The following DLG2 variants were observed in gnomAD, a reference collection of about 807,000 sequenced individuals.
The protein encoded by DLG2 is discs large MAGUK scaffold protein 2.
DLG2 carries 45 observed loss-of-function variants against 132.5 expected under a neutral mutation model. The observed-to-expected ratio is 0.34, with a 90% CI of 0.27 to 0.44. DLG2 has a LOEUF of 0.44. Among genes scored for constraint, DLG2 ranks in the 20% least tolerant of loss-of-function variants. The pLI is 1.00. For missense variants in DLG2, 1,045 were observed against 1,196.9 expected (o/e 0.87, Z 1.87); for synonymous variants, 424 against 419.6 (o/e 1.01, Z -0.13).
intron 19 of DLG2, among the ~76,000 whole-genome samples, chr11:83,552,404 ATACAGT>A (rs2096412519): frequency 6.6e-6 from 1 of 152,150 alleles, no homozygotes; most frequent in African/African-American, 2.4e-5. Context: ...AAGCCTGTAA[ATACAGT>A]TACAGTTGAG....
chr11:85,584,839 G>A (rs1407972345), intron 3 of DLG2, among the ~76,000 whole-genome samples: 2 of 152,034 alleles, frequency 1.3e-5, no homozygotes, highest in Non-Finnish European at 2.9e-5. Context: ...CCCACCTTTT[G>A]ATGGGATTAC....
At chr11:84,795,301 C>T (rs2074425605) in intron 6 of DLG2, among the ~76,000 whole-genome samples, 1 of 152,234 alleles carries the variant, frequency 6.6e-6, no homozygotes, top group South Asian at 2.1e-4. Flanking sequence ...TGAGTCTCTT[C>T]TCTGCTGGGA....
At chr11:84,463,282 G>C (rs11234038) in intron 7 of DLG2, among the ~76,000 whole-genome samples, 26,150 of 151,136 alleles carry the variant, frequency 0.17, 2,396 homozygotes, top group African/African-American at 0.22. Context: ...CCTCTGAGAA[G>C]CCAGCTGCTC....
At chr11:84,428,483 G>A (rs576453685) in intron 7 of DLG2, among the ~76,000 whole-genome samples, 6 of 152,212 alleles carry the variant, frequency 3.9e-5, no homozygotes, top group Non-Finnish European at 8.8e-5. Context: ...AGACTGGGAA[G>A]TATAAGATCA....
intron 10 of DLG2, among the ~76,000 whole-genome samples, chr11:84,095,682 T>G (rs1322703652): frequency 6.6e-6 from 1 of 152,200 alleles, no homozygotes; most frequent in Non-Finnish European, 1.5e-5. Context: ...TGCCTCAGGA[T>G]AAGTCACTCC....
At chr11:84,745,470 G>A (rs77297935) in intron 6 of DLG2, among the ~76,000 whole-genome samples, 2,212 of 152,242 alleles carry the variant, frequency 0.015, 71 homozygotes, top group African/African-American at 0.05. Context: ...CCAGAAGCCA[G>A]GCAGATGCTG....
At chr11:85,448,417 AT>A (rs1162146964) in intron 3 of DLG2, among the ~76,000 whole-genome samples, 1 of 152,184 alleles carries the variant, frequency 6.6e-6, no homozygotes, top group Non-Finnish European at 1.5e-5. Flanking sequence ...GACACCAAAA[AT>A]CTGCCCTGAC....
chr11:84,140,035 A>G (rs2094774199), intron 9 of DLG2, among the ~76,000 whole-genome samples: 1 of 152,186 alleles, frequency 6.6e-6, no homozygotes, highest in African/African-American at 2.4e-5. Flanking sequence ...TGAGAAATCA[A>G]TGACCATATT....
intron 6 of DLG2, among the ~76,000 whole-genome samples, chr11:84,674,643 T>C (rs2099709398): frequency 6.6e-6 from 1 of 152,154 alleles, no homozygotes; most frequent in Admixed American, 6.5e-5. Context: ...TAGTTGAGTA[T>C]ACAAGATTAT....
At chr11:84,181,038 A>ATTTT (rs1301065253) in intron 8 of DLG2, among the ~76,000 whole-genome samples, 5 of 151,924 alleles carry the variant, frequency 3.3e-5, no homozygotes, top group Non-Finnish European at 4.4e-5. Context: ...TATTTTTCTT[A>ATTTT]ATCTAACAGA....
chr11:84,502,948 G>A (rs776696239), intron 7 of DLG2, among the ~76,000 whole-genome samples: 4 of 152,194 alleles, frequency 2.6e-5, no homozygotes, highest in Non-Finnish European at 5.9e-5. Flanking sequence ...TCAGGGATAA[G>A]TGCCTAATTA....
intron 6 of DLG2, among the ~76,000 whole-genome samples, chr11:84,550,533 G>A (rs2099399859): frequency 6.6e-6 from 1 of 152,174 alleles, no homozygotes; most frequent in South Asian, 2.1e-4. Context: ...TTGGACTTCA[G>A]AACCTACCTG....
chr11:84,189,639 C>A (rs1486826490), intron 8 of DLG2, among the ~76,000 whole-genome samples: 1 of 151,950 alleles, frequency 6.6e-6, no homozygotes, highest in Non-Finnish European at 1.5e-5. Flanking sequence ...TACTATGGAG[C>A]CATAAAAAGG....
intron 6 of DLG2, among the ~76,000 whole-genome samples, chr11:85,023,391 T>C (rs535120355): frequency 6.6e-6 from 1 of 152,148 alleles, no homozygotes; most frequent in African/African-American, 2.4e-5. Flanking sequence ...TAACAGTTAT[T>C]ACCAACTTAA....
At chr11:83,829,138 A>G (rs993528069) in intron 17 of DLG2, among the ~76,000 whole-genome samples, 3 of 151,498 alleles carry the variant, frequency 2.0e-5, no homozygotes, top group African/African-American at 7.3e-5. Flanking sequence ...TATTGTTAAC[A>G]TGACTTATTT....
At chr11:83,851,452 T>C (rs552909933) in intron 16 of DLG2, among the ~76,000 whole-genome samples, 2 of 148,328 alleles carry the variant, frequency 1.3e-5, no homozygotes, top group East Asian at 4.1e-4. Flanking sequence ...TGGTGAAACC[T>C]CTTCTCTACT....
intron 7 of DLG2, among the ~76,000 whole-genome samples, chr11:84,387,455 C>T (rs1200270564): frequency 1.3e-5 from 2 of 151,884 alleles, no homozygotes; most frequent in Non-Finnish European, 2.9e-5. Flanking sequence ...ACAATCTCCT[C>T]ACAAAAAAAT....
chr11:84,835,747 AT>A (rs1320659783), intron 6 of DLG2, among the ~76,000 whole-genome samples: 2 of 151,694 alleles, frequency 1.3e-5, no homozygotes, highest in Non-Finnish European at 2.9e-5. Context: ...ATAGTCATTT[AT>A]TTATTTCAAA....
intron 3 of DLG2, among the ~76,000 whole-genome samples, chr11:85,504,316 G>C (rs1431488488): frequency 2.0e-5 from 3 of 151,974 alleles, no homozygotes; most frequent in African/African-American, 4.8e-5. Context: ...GTATTGCCTA[G>C]GTTTTCTTCT....
Sources: gnomAD v4.1 joint callset for allele counts (sites outside exome capture counted in the v4.1 genomes callset) on GRCh38, gnomAD v4.1.1 for gene constraint, MANE v1.5 for transcripts, NCBI Gene and HGNC (gene_info 2026-07-23, HGNC 2026-07-21) for gene names.